The following CLASP2 variants were observed in gnomAD, a reference collection of about 807,000 sequenced individuals.
CLASP2 encodes the protein CLIP-associating protein 2.
A neutral mutation model predicts 194.4 loss-of-function variants in CLASP2; 47 were observed. The ratio of observed to expected loss-of-function variants is 0.24; its 90% CI spans 0.19 to 0.31. The LOEUF (loss-of-function observed/expected upper bound fraction) is 0.31. CLASP2 is among the 10% of genes least tolerant of loss of function. The pLI, the probability that CLASP2 is intolerant of heterozygous loss-of-function variation, is 1.00. For synonymous variants in CLASP2, 619 were observed against 633.5 expected, an observed-to-expected ratio of 0.98 and a Z score of 0.34; for missense variants, 1,445 against 1,823.6, an observed-to-expected ratio of 0.79 and a Z score of 3.78.
chr3:33,605,203 C>G (rs1577083912), intron 16 of CLASP2, among the ~76,000 whole-genome samples: 1 of 152,088 alleles, frequency 6.6e-6, no homozygotes, highest in East Asian at 1.9e-4. Flanking sequence ...TCTCAGGCCC[C>G]ACCCCAAAAT....
intron 34 of CLASP2, among the ~76,000 whole-genome samples, chr3:33,531,393 A>C (rs750056925): frequency 1.3e-5 from 2 of 152,238 alleles, no homozygotes; most frequent in Non-Finnish European, 2.9e-5. Context: ...GGAATAGAAA[A>C]GACATTTTTC....
intron 22 of CLASP2, among the ~76,000 whole-genome samples, chr3:33,583,632 TAACTC>T (rs532798109): frequency 1.3e-3 from 195 of 152,330 alleles, no homozygotes; most frequent in Non-Finnish European, 2.2e-3. Context: ...TAAAAATTGA[TAACTC>T]TAAGAGTGGA....
intron 32 of CLASP2, among the ~76,000 whole-genome samples, chr3:33,542,136 G>A (rs903472054): frequency 2.6e-5 from 4 of 151,950 alleles, no homozygotes; most frequent in African/African-American, 9.7e-5. Context: ...GCTAGGAAAA[G>A]GAAATAAAAT....
At chr3:33,618,711 T>A (rs981809058) in intron 12 of CLASP2, among the ~76,000 whole-genome samples, 5 of 152,156 alleles carry the variant, frequency 3.3e-5, no homozygotes, top group Non-Finnish European at 7.4e-5. Context: ...TATACTTACA[T>A]GTTCTATATG....
At chr3:33,576,320 T>A in intron 23 of CLASP2, 45 bp from the exon 24 acceptor site, 1 of 1,478,748 alleles carries the variant, frequency 6.8e-7, no homozygotes, top group Non-Finnish European at 9.4e-7. Flanking sequence ...GAGTCATAAA[T>A]ATAACAGTGT....
At chr3:33,624,199 T>C (rs1319310969) in intron 10 of CLASP2, among the ~76,000 whole-genome samples, 2 of 152,172 alleles carry the variant, frequency 1.3e-5, no homozygotes. Context: ...TTATTGTATA[T>C]AATTTCACAT....
chr3:33,702,194 G>T (rs935445344), intron 1 of CLASP2, among the ~76,000 whole-genome samples: 1 of 152,026 alleles, frequency 6.6e-6, no homozygotes, highest in African/African-American at 2.4e-5. Context: ...GCTTGAAAAA[G>T]AAAAAGTTGG....
At position 33,689,924 on chromosome 3, in the gene CLASP2, C is replaced by G. The variant is rs1223381483; in HGVS notation, c.283G>C (p.Ala95Pro). 7.6e-6 allele frequency: 12 copies of G among 1,578,174 alleles called. No individual in the cohort carries two copies. The highest frequency in any genetic ancestry group is 1.0e-5 in the Non-Finnish European group (12 of 1,162,972). ...FKSYVAMVIV[A>P]LIDRMGDAKD... is the part of the protein sequence containing the mutation. ...GCATCTCCCATTCTGTCTATTAAAG[C>G]TACAATAACTAAAGAAGGGGAGGGA... The change falls in exon 3 of 39, where the codon GCT becomes CCT. Residue 95 changes from alanine (A) to proline (P), a missense_variant. This residue lies in a region of CLASP2 where 332 missense variants were observed against 325.3 expected (regional missense o/e 1.02). Coordinates refer to ENST00000682230, the MANE Select transcript of CLASP2 (RefSeq NM_001365631.1).
At chr3:33,615,714 CAAAT>C (rs1168756277) in intron 12 of CLASP2, among the ~76,000 whole-genome samples, 1 of 151,910 alleles carries the variant, frequency 6.6e-6, no homozygotes, top group African/African-American at 2.4e-5. Context: ...TACTAGAACA[CAAAT>C]AAAATTTCAA....
At chr3:33,538,242 A>G (rs962639691) in intron 33 of CLASP2, among the ~76,000 whole-genome samples, 3 of 152,154 alleles carry the variant, frequency 2.0e-5, no homozygotes, top group Non-Finnish European at 4.4e-5. Flanking sequence ...CAACTATACA[A>G]AGCTTGTTCC....
At chr3:33,570,532 T>C (rs538355059) in intron 26 of CLASP2, among the ~76,000 whole-genome samples, 195 bp downstream of exon 26, 2 of 152,152 alleles carry the variant, frequency 1.3e-5, no homozygotes. Flanking sequence ...TTAGACCATC[T>C]ATCATTGGAG....
At chr3:33,635,559 C>A (rs917634519) in intron 8 of CLASP2, among the ~76,000 whole-genome samples, 1 of 152,056 alleles carries the variant, frequency 6.6e-6, no homozygotes, top group African/African-American at 2.4e-5. Context: ...GATAGACCAA[C>A]TAACCAAATA....
chr3:33,625,671 TG>T (rs1431495122), intron 10 of CLASP2, among the ~76,000 whole-genome samples: 2 of 152,008 alleles, frequency 1.3e-5, no homozygotes, highest in Non-Finnish European at 2.9e-5. Context: ...AAATGAAGTT[TG>T]TTTTTTTATT....
chr3:33,660,610 C>A (rs2154331782), intron 7 of CLASP2, among the ~76,000 whole-genome samples: 1 of 152,042 alleles, frequency 6.6e-6, no homozygotes, highest in South Asian at 2.1e-4. Flanking sequence ...AAAGACACAC[C>A]AAAAAATTTT....
intron 37 of CLASP2, among the ~76,000 whole-genome samples, chr3:33,510,353 T>C (rs938751849): frequency 1.3e-5 from 2 of 152,146 alleles, no homozygotes; most frequent in African/African-American, 4.8e-5. Context: ...ATTGTACAAT[T>C]AAAAATCGTT....
chr3:33,599,517 C>T (rs1277227182), intron 18 of CLASP2, among the ~76,000 whole-genome samples: 1 of 152,088 alleles, frequency 6.6e-6, no homozygotes, highest in Non-Finnish European at 1.5e-5. Context: ...ATGCATAAAA[C>T]GCAACAAACT....
chr3:33,616,968 T>G (rs1020720938), intron 12 of CLASP2, among the ~76,000 whole-genome samples: 2 of 151,304 alleles, frequency 1.3e-5, no homozygotes, highest in African/African-American at 2.4e-5. Flanking sequence ...TTGACTCCTG[T>G]GATCGACCTG....
rs568630522 is a variant in CLASP2, at chr3:33,716,055, C to T, written c.195+1753G>A. Reference sequence around the variant, plus strand: ...CAATGTCCTTGAGTAAGCAAGAAGGCATGGAATCTAATACTTTCGTGGAGG... The same window carrying T: ...CAATGTCCTTGAGTAAGCAAGAAGGTATGGAATCTAATACTTTCGTGGAGG... On this transcript the variant is annotated intron_variant, in intron 1 of 38. Coordinates refer to ENST00000682230, the MANE Select transcript of CLASP2 (RefSeq NM_001365631.1). Among the ~76,000 whole-genome samples, 3 of 152,198 alleles carry T rather than the reference C, an allele frequency of 2.0e-5. No individual in the cohort carries two copies. The East Asian group carries it at 5.8e-4, about 29-fold the overall frequency.
At chr3:33,635,232 C>T (rs2154296970) in intron 8 of CLASP2, among the ~76,000 whole-genome samples, 1 of 151,816 alleles carries the variant, frequency 6.6e-6, no homozygotes, top group African/African-American at 2.4e-5. Flanking sequence ...TGCCACTGCA[C>T]TCCAGCCTGG....
Sources: allele counts gnomAD v4.1 joint callset (sites outside exome capture counted in the v4.1 genomes callset), GRCh38; gene constraint gnomAD v4.1.1; regional missense constraint gnomAD v4.1.1; transcripts MANE v1.5; gene names NCBI Gene and HGNC (gene_info 2026-07-23, HGNC 2026-07-21).